ALMS1: variants seen among roughly 807,000 people sequenced by gnomAD.
The protein encoded by ALMS1 is centrosome-associated protein ALMS1.
ALMS1 carries 271 observed loss-of-function variants against 352.2 expected under a neutral mutation model. The ratio of observed to expected loss-of-function variants is 0.77; its 90% CI spans 0.70 to 0.85. The LOEUF (loss-of-function observed/expected upper bound fraction) is 0.85. ALMS1 is among the 40% of genes least tolerant of loss of function. The probability of loss-of-function intolerance (pLI) is 0.00; values close to 1 mark genes in which losing one functional copy is unlikely to be tolerated. For synonymous variants in ALMS1, 1,865 were observed against 1,761.2 expected (o/e 1.06, Z -1.48); for missense variants, 5,445 against 4,870.7 (o/e 1.12, Z -3.51).
chr2:73,538,984 C>T (rs1011682519), intron 12 of ALMS1, among the ~76,000 whole-genome samples: 1 of 152,170 alleles, frequency 6.6e-6, no homozygotes, highest in Non-Finnish European at 1.5e-5. Flanking sequence ...CAAAAGGCAG[C>T]AGAAACCTCT....
chr2:73,444,455 G>C (rs1381233747), intron 7 of ALMS1, among the ~76,000 whole-genome samples: 1 of 152,178 alleles, frequency 6.6e-6, no homozygotes, highest in Non-Finnish European at 1.5e-5. Flanking sequence ...TGCCCACTTA[G>C]GAATGAGGAA....
chr2:73,425,494 C>T (rs1022707382), intron 5 of ALMS1, among the ~76,000 whole-genome samples: 1 of 152,058 alleles, frequency 6.6e-6, no homozygotes, highest in African/African-American at 2.4e-5. Flanking sequence ...GATGAGATAT[C>T]AGAACAACTG....
chr2:73,608,529 A>T lies in ALMS1; in HGVS notation c.12417A>T (p.Lys4139Asn), dbSNP rs377361240. 1.1e-4 allele frequency: 172 copies of T among 1,614,016 alleles called. No individual in the cohort carries two copies. Among genetic ancestry groups the T allele is most frequent in the Non-Finnish European group, 1.4e-4 (166 of 1,179,998 alleles). Residue 4139 changes from lysine to asparagine, a missense_variant, in exon 22 of 23, where the codon AAA becomes AAT. By Grantham distance (94) the Lys-to-Asn change is moderately conservative. Transcript: ENST00000613296. Reference sequence around the variant, plus strand: ...AAAAGAGAGAAGAAGAGAAGAGAAAATCAGAATATAAGTCATACCGGCTGC... The same window carrying T: ...AAAAGAGAGAAGAAGAGAAGAGAAATTCAGAATATAAGTCATACCGGCTGC... Reference protein sequence around the residue: ...VQKKREEEKRKSEYKSYRLRA... With the variant: ...VQKKREEEKRNSEYKSYRLRA...
chr2:73,450,282 T>G lies in ALMS1; in HGVS notation c.3755T>G (p.Val1252Gly). 6.2e-7 allele frequency: 1 copy of G among 1,613,496 alleles called. No homozygotes were observed. Among genetic ancestry groups the G allele is most frequent in the Non-Finnish European group, 8.5e-7 (1 of 1,179,864 alleles). The change falls in exon 8 of 23, where the codon GTC becomes GGC. Residue 1252 changes from valine to glycine, a missense_variant. Val to Gly is a moderately radical substitution (Grantham distance 109, BLOSUM62 -3). Transcript: ENST00000613296. ...AAGCCTGGTATTTTCTACCAACAGG[T>G]CTTGCCAGATAATCATCCAACTGAA... ...TEKPGIFYQQ[V>G]LPDNHPTEEA...
At chr2:73,491,667 A>G (rs1411961649) in intron 10 of ALMS1, among the ~76,000 whole-genome samples, 169 bp downstream of exon 10, 4 of 152,100 alleles carry the variant, frequency 2.6e-5, no homozygotes. Flanking sequence ...GTTAAGTAAG[A>G]GAGAACATGT....
intron 16 of ALMS1, among the ~76,000 whole-genome samples, chr2:73,591,845 T>C (rs1270076874): frequency 6.6e-6 from 1 of 152,202 alleles, no homozygotes; most frequent in African/African-American, 2.4e-5. Context: ...TTGGGAAACA[T>C]GCTGTCTCGC....
intron 11 of ALMS1, among the ~76,000 whole-genome samples, 168 bp downstream of exon 11, chr2:73,520,184 A>G (rs904341908): frequency 6.6e-6 from 1 of 152,170 alleles, no homozygotes. Context: ...ACAGAATATG[A>G]TTTATTATAT....
rs1222744511 is a variant in ALMS1, at chr2:73,448,800, C to T, written c.2273C>T (p.Ala758Val). 6.2e-7 allele frequency: 1 copy of T among 1,614,086 alleles called. No individual in the cohort carries two copies. The highest frequency in any genetic ancestry group is 1.1e-5 in the South Asian group (1 of 91,080). Residue 758 changes from alanine (A) to valine (V), a missense_variant, in exon 8 of 23, where the codon GCA (alanine) becomes GTA (valine). By Grantham distance (64) the Ala-to-Val change is moderately conservative. Transcript: ENST00000613296. ...GCTGACCAGAAGACTGAGATACCAG[C>T]AGTACAGTCTAGTTCTTACTCACAA... ...GPADQKTEIP[A>V]VQSSSYSQRE...
chr2:73,531,256 T>C (rs1444901168), intron 11 of ALMS1, among the ~76,000 whole-genome samples: 1 of 152,218 alleles, frequency 6.6e-6, no homozygotes, highest in Non-Finnish European at 1.5e-5. Flanking sequence ...ACTGAATGCT[T>C]TCAGAATAAG....
At chr2:73,498,399 C>T (rs1160073770) in intron 10 of ALMS1, among the ~76,000 whole-genome samples, 1 of 151,884 alleles carries the variant, frequency 6.6e-6, no homozygotes, top group Non-Finnish European at 1.5e-5. Context: ...GCATTTTTAT[C>T]CATTGAGTTG....
chr2:73,437,506 T>A (rs187265130), intron 7 of ALMS1, among the ~76,000 whole-genome samples: 2 of 152,308 alleles, frequency 1.3e-5, no homozygotes, highest in Admixed American at 1.3e-4. Context: ...ACTTATTAGC[T>A]AACATCAACA....
intron 9 of ALMS1, among the ~76,000 whole-genome samples, chr2:73,465,463 C>G (rs1240502848): frequency 6.6e-6 from 1 of 152,202 alleles, no homozygotes; most frequent in Non-Finnish European, 1.5e-5. Flanking sequence ...GGATCCCTTC[C>G]TTACACCGTA....
chr2:73,563,584 G>T (rs1217113443), intron 15 of ALMS1, among the ~76,000 whole-genome samples: 3 of 151,692 alleles, frequency 2.0e-5, no homozygotes, highest in African/African-American at 7.3e-5. Flanking sequence ...TTAGCCGGGC[G>T]TGGTGGCAGG....
At chr2:73,527,601 G>A (rs1384146455) in intron 11 of ALMS1, among the ~76,000 whole-genome samples, 1 of 151,834 alleles carries the variant, frequency 6.6e-6, no homozygotes, top group Non-Finnish European at 1.5e-5. Context: ...CTGTGCTATA[G>A]GTTGTAATGT....
In ALMS1 at chr2:73,550,186, C is replaced by A. The variant is rs1370290834; in HGVS notation, c.9908-81C>A. On this transcript the variant is annotated intron_variant, in intron 12 of 22. Coordinates refer to ENST00000613296, the MANE Select transcript of ALMS1 (RefSeq NM_001378454.1). ...GTAGTGCTTTTTTCATAGAATTGGT[C>A]TAAGAGGCAAATTTTTAAAAAGTCT... 5 of 1,521,950 alleles carry A rather than the reference C, an allele frequency of 3.3e-6. No individual in the cohort carries two copies. In the African/African-American group the frequency reaches 5.5e-5, roughly 17 times the overall value. The allele number at this position is 1,521,950 out of a possible 1,614,324, so 94.3% of individuals were successfully genotyped here. A position where few individuals can be genotyped will look rare whatever the true frequency, so the allele number is the denominator to read the frequency against.
At chr2:73,501,802 T>C (rs1257132320) in intron 10 of ALMS1, among the ~76,000 whole-genome samples, 1 of 152,100 alleles carries the variant, frequency 6.6e-6, no homozygotes, top group Non-Finnish European at 1.5e-5. Context: ...AATTTTAGAA[T>C]AAGCATACTG....
chr2:73,475,139 A>G (rs1256914496), intron 9 of ALMS1, among the ~76,000 whole-genome samples: 8 of 152,130 alleles, frequency 5.3e-5, no homozygotes, highest in Non-Finnish European at 4.4e-5. Flanking sequence ...TTTACTCATT[A>G]GTTGGTAGAC....
intron 16 of ALMS1, among the ~76,000 whole-genome samples, chr2:73,593,772 C>G (rs903465336): frequency 6.6e-6 from 1 of 152,216 alleles, no homozygotes. Context: ...CCACAGCCTG[C>G]AGGCAACCAC....
chr2:73,405,112 C>T (rs1253305479), intron 1 of ALMS1, among the ~76,000 whole-genome samples: 12 of 151,714 alleles, frequency 7.9e-5, no homozygotes, highest in Non-Finnish European at 1.6e-4. Flanking sequence ...CAGGATCTCA[C>T]CATGTTGCCC....
Sources: allele counts gnomAD v4.1 joint callset (sites outside exome capture counted in the v4.1 genomes callset), GRCh38; gene constraint gnomAD v4.1.1; transcripts MANE v1.5; gene names NCBI Gene and HGNC (gene_info 2026-07-23, HGNC 2026-07-21).